Variants in PLOD2 observed in about 807,000 individuals in gnomAD.
The protein encoded by PLOD2 is procollagen-lysine,2-oxoglutarate 5-dioxygenase 2, also known as lysine hydroxylase 2.
Under a neutral mutation model 101.0 loss-of-function variants are expected in PLOD2, and 65 were observed. The observed-to-expected ratio is 0.64, with a 90% CI of 0.53 to 0.79. PLOD2 has a LOEUF of 0.79. Among genes scored for constraint, PLOD2 ranks in the 30% least tolerant of loss-of-function variants. The probability of loss-of-function intolerance (pLI) is 0.00; values close to 1 mark genes in which losing one functional copy is unlikely to be tolerated. For synonymous variants in PLOD2, 314 were observed against 302.9 expected (o/e 1.04, Z -0.38); for missense variants, 909 against 914.6 (o/e 0.99, Z 0.08).
chr3:146,125,671 C>T (rs2030519336), intron 1 of PLOD2, among the ~76,000 whole-genome samples: 1 of 151,960 alleles, frequency 6.6e-6, no homozygotes, highest in Admixed American at 6.6e-5. Flanking sequence ...CGCTTGAACT[C>T]GGGGGGCGGA....
At chr3:146,120,326 G>A (rs938326946) in intron 3 of PLOD2, among the ~76,000 whole-genome samples, 1 of 152,036 alleles carries the variant, frequency 6.6e-6, no homozygotes, top group Admixed American at 6.6e-5. Context: ...TGAGTTCATT[G>A]TAGATTCTGG....
At chr3:146,153,829 C>CAA (rs57315523) in intron 1 of PLOD2, among the ~76,000 whole-genome samples, 8,226 of 110,114 alleles carry the variant, frequency 0.075, 338 homozygotes, top group Non-Finnish European at 0.11. Flanking sequence ...GTCCACAGCA[C>CAA]AAAAAAAAAA....
chr3:146,097,045 G>C (rs1429783025), intron 7 of PLOD2, among the ~76,000 whole-genome samples: 2 of 147,610 alleles, frequency 1.4e-5, no homozygotes, highest in Non-Finnish European at 3.0e-5. Context: ...TCCGGGAGGT[G>C]AGGGGCTCCT....
intron 7 of PLOD2, among the ~76,000 whole-genome samples, chr3:146,099,054 TAAAAC>T (rs1937295388): frequency 6.6e-6 from 1 of 152,142 alleles, no homozygotes; most frequent in Non-Finnish European, 1.5e-5. Context: ...ATATCTATAA[TAAAAC>T]TTCATATTTT....
At position 146,071,469 on chromosome 3, in the gene PLOD2, T is replaced by C. The variant is rs1294029634; in HGVS notation, c.1849-46A>G. On this transcript the variant is annotated intron_variant, in intron 17 of 19. Coordinates refer to ENST00000282903, the MANE Select transcript of PLOD2 (RefSeq NM_182943.3). Reference sequence around the variant, plus strand: ...ATAATAAGCTGTACTCCACGTGCAATTCCCATTTATATTATAGTATTTTTT... The same window carrying C: ...ATAATAAGCTGTACTCCACGTGCAACTCCCATTTATATTATAGTATTTTTT... 18 of 1,553,754 alleles carry C rather than the reference T, an allele frequency of 1.2e-5. No homozygotes were observed. In the South Asian group the frequency reaches 1.8e-4, roughly 15 times the overall value.
chr3:146,137,773 G>A (rs989724389), intron 1 of PLOD2, among the ~76,000 whole-genome samples: 4 of 151,986 alleles, frequency 2.6e-5, no homozygotes, highest in African/African-American at 4.8e-5. Flanking sequence ...GAAGAGATGC[G>A]GATGACGCTC....
At chr3:146,115,548 C>G (rs1937868311) in intron 3 of PLOD2, among the ~76,000 whole-genome samples, 2 of 152,114 alleles carry the variant, frequency 1.3e-5, no homozygotes, top group Admixed American at 1.3e-4. Context: ...CCTATTGATT[C>G]CATCTACTTA....
chr3:146,148,854 G>A (rs2031922136), intron 1 of PLOD2, among the ~76,000 whole-genome samples: 1 of 152,222 alleles, frequency 6.6e-6, no homozygotes, highest in Non-Finnish European at 1.5e-5. Context: ...CAGTGTATAT[G>A]TTGCAAGAGG....
intron 3 of PLOD2, among the ~76,000 whole-genome samples, chr3:146,113,722 A>G (rs371163795): frequency 3.9e-4 from 59 of 152,274 alleles, no homozygotes; most frequent in African/African-American, 1.4e-3. Context: ...TGATGATTGC[A>G]TTAACTGTGC....
intron 4 of PLOD2, among the ~76,000 whole-genome samples, chr3:146,109,346 G>A (rs1338416984): frequency 6.6e-6 from 1 of 152,166 alleles, no homozygotes; most frequent in Non-Finnish European, 1.5e-5. Flanking sequence ...AAAGTTCCAA[G>A]GTACAACTGT....
chr3:146,145,079 T>G (rs184958144), intron 1 of PLOD2, among the ~76,000 whole-genome samples: 11 of 152,272 alleles, frequency 7.2e-5, no homozygotes, highest in African/African-American at 2.4e-4. Flanking sequence ...TTATAGGAGC[T>G]CTGTCATTTC....
chr3:146,072,438 C>A, intron 17 of PLOD2, 123 bp downstream of exon 17: 1 of 725,054 alleles, frequency 1.4e-6, no homozygotes. Flanking sequence ...CCTTGGCTAG[C>A]CAATTTATCT....
intron 1 of PLOD2, among the ~76,000 whole-genome samples, chr3:146,129,607 T>G (rs1227337332): frequency 1.3e-5 from 2 of 152,120 alleles, no homozygotes; most frequent in Non-Finnish European, 2.9e-5. Context: ...CGACACAAAC[T>G]CCTACATATG....
intron 2 of PLOD2, among the ~76,000 whole-genome samples, chr3:146,121,587 A>T (rs1336037438): frequency 6.6e-6 from 1 of 151,872 alleles, no homozygotes; most frequent in African/African-American, 2.4e-5. Flanking sequence ...TTCCCATATC[A>T]CTTTTTTTTC....
At chr3:146,096,741 C>A (rs1481541339) in intron 7 of PLOD2, among the ~76,000 whole-genome samples, 1 of 149,870 alleles carries the variant, frequency 6.7e-6, no homozygotes, top group East Asian at 2.1e-4. Context: ...CCACCCCGTC[C>A]GGGAGGGAGG....
At chr3:146,138,346 A>AC (rs1045528941) in intron 1 of PLOD2, among the ~76,000 whole-genome samples, 6 of 151,912 alleles carry the variant, frequency 3.9e-5, no homozygotes, top group Admixed American at 6.6e-5. Flanking sequence ...ACCAAAAAAA[A>AC]AAACAAACAA....
At chr3:146,124,095 G>T in intron 2 of PLOD2, 43 bp downstream of exon 2, 1 of 977,162 alleles carries the variant, frequency 1.0e-6, no homozygotes, top group Non-Finnish European at 1.7e-6. Context: ...CATACTTTAG[G>T]CACACATTAT....
intron 9 of PLOD2, 152 bp from the exon 10 acceptor site, chr3:146,087,060 T>C (rs911464516): frequency 6.8e-6 from 3 of 444,216 alleles, no homozygotes; most frequent in Non-Finnish European, 1.2e-5. Context: ...AAACACGGTA[T>C]ATTTAAATAT....
rs536706445 is a variant in PLOD2, at chr3:146,133,003, G to C, written c.110-8774C>G. Among the ~76,000 whole-genome samples, 6 of 152,152 alleles carry C rather than the reference G, an allele frequency of 3.9e-5. No homozygotes were observed. The South Asian group carries it at 1.2e-3, about 32-fold the overall frequency. Reference sequence around the variant, plus strand: ...ACCATCCTGGCTATGGTGAAACCCGGTCTCTACTAAAAATACAAAAAAATT... The same window carrying C: ...ACCATCCTGGCTATGGTGAAACCCGCTCTCTACTAAAAATACAAAAAAATT... On this transcript the variant is annotated intron_variant, in intron 1 of 19. Transcript: ENST00000282903.
Sources: gnomAD v4.1 joint callset for allele counts (sites outside exome capture counted in the v4.1 genomes callset) on GRCh38, gnomAD v4.1.1 for gene constraint, MANE v1.5 for transcripts, NCBI Gene and HGNC (gene_info 2026-07-23, HGNC 2026-07-21) for gene names.